Variants in DNAJC17 observed in about 807,000 individuals in gnomAD.
DNAJC17 encodes DnaJ heat shock protein family (Hsp40) member C17.
A neutral mutation model predicts 48.1 loss-of-function variants in DNAJC17; 35 were observed. The ratio of observed to expected loss-of-function variants is 0.73; its 90% CI spans 0.56 to 0.96. The LOEUF (loss-of-function observed/expected upper bound fraction) is 0.96. Among genes scored for constraint, DNAJC17 ranks in the 50% least tolerant of loss-of-function variants. The pLI is 0.00. For synonymous variants in DNAJC17, 117 were observed against 142.7 expected (o/e 0.82, Z 1.28); for missense variants, 355 against 377.1 (o/e 0.94, Z 0.48).
At chr15:40,803,316 T>C (rs1320428247) in intron 1 of DNAJC17, among the ~76,000 whole-genome samples, 3 of 152,230 alleles carry the variant, frequency 2.0e-5, no homozygotes, top group African/African-American at 7.2e-5. Context: ...GGTTGCCCTA[T>C]GGCAGCAACC....
Position 40,767,858 on chromosome 15 carries a change from T to C in DNAJC17, c.*82A>G, listed in dbSNP as rs1465299497. ...CAGCACCTTATACCTATGTATGGGA[T>C]AGAGGTAAAATCTTAAAAAAAAAAA... On this transcript the variant is annotated 3_prime_UTR_variant, in exon 11 of 11. Coordinates refer to ENST00000220496, the MANE Select transcript of DNAJC17 (RefSeq NM_018163.3). 6 of 1,565,494 alleles carry C rather than the reference T, an allele frequency of 3.8e-6. No homozygotes were observed. The Admixed American group carries it at 1.1e-4, about 30-fold the overall frequency.
In DNAJC17 at chr15:40,779,582, G is replaced by C. The variant is rs781037996; in HGVS notation, c.170C>G (p.Ser57Cys). The C allele has an allele frequency of 6.2e-7, 1 of 1,614,022 alleles. No homozygotes were observed. Among genetic ancestry groups the C allele is most frequent in the Non-Finnish European group, 8.5e-7 (1 of 1,180,024 alleles). Residue 57 changes from serine to cysteine, a missense_variant, in exon 3 of 11, where the codon TCT becomes TGT. Ser to Cys is a moderately radical substitution (Grantham distance 112). Transcript: ENST00000220496. ...ATCGGTCAGCACCTCCAAGGCCTGA[G>C]AAAGCTGGTGGAAGAGTTCAGCTAA... Reference protein sequence around the residue: ...PRAAELFHQLSQALEVLTDAA... With the variant: ...PRAAELFHQLCQALEVLTDAA...
At chr15:40,780,051 A>C (rs1889439791) in intron 1 of DNAJC17, 54 bp from the exon 2 acceptor site, 3 of 1,570,844 alleles carry the variant, frequency 1.9e-6, no homozygotes, top group Non-Finnish European at 2.6e-6. Context: ...AGGGACAAAC[A>C]GGAAAACCTT....
Position 40,776,131 on chromosome 15 carries a change from T to A in DNAJC17, c.478+65A>T, listed in dbSNP as rs878857611. The A allele has an allele frequency of 7.3e-6, 11 of 1,508,852 alleles. No individual in the cohort carries two copies. The Admixed American group carries it at 1.2e-4, about 17-fold the overall frequency. 93.5% of individuals were successfully genotyped at this position (1,508,852 alleles called of 1,614,324 possible). ...CACAGCAGCTCCACCGAACAGCCAG[T>A]GTGGCCGCTCTGAGCAATCTGGAGC... On this transcript the variant is annotated intron_variant, in intron 6 of 10. Coordinates refer to ENST00000220496, the MANE Select transcript of DNAJC17 (RefSeq NM_018163.3).
chr15:40,774,588 G>A, intron 8 of DNAJC17, 152 bp from the exon 9 acceptor site: 1 of 816,388 alleles, frequency 1.2e-6, no homozygotes, highest in South Asian at 1.7e-5. Flanking sequence ...AGTGAAGTGA[G>A]ATCAGAGATA....
Position 40,767,980 on chromosome 15 carries a change from G to A in DNAJC17, c.875C>T (p.Ala292Val). Residue 292 changes from alanine (A) to valine (V), a missense_variant, in exon 11 of 11, where the codon GCA becomes GTA. Physicochemically the swap from Ala to Val is moderately conservative, Grantham distance 64. Transcript: ENST00000220496. ...RQAAERQQLI[A>V]RMQQEDQEGP... ...CTCCTGGTCTTCCTGCTGCATCCGTGCGATCAGCTGTTGCCGCTCGGCCGC... is the reference window on the plus strand; with the variant it reads ...CTCCTGGTCTTCCTGCTGCATCCGTACGATCAGCTGTTGCCGCTCGGCCGC... 6.2e-7 allele frequency: 1 copy of A among 1,611,036 alleles called. No individual in the cohort carries two copies. The highest frequency in any genetic ancestry group is 8.5e-7 in the Non-Finnish European group (1 of 1,179,248).
chr15:40,772,115 G>A (rs1376337597), intron 10 of DNAJC17: 1 of 167,032 alleles, frequency 6.0e-6, no homozygotes, highest in Non-Finnish European at 1.5e-5. Flanking sequence ...GGCACAGCTG[G>A]TTTCCAGAAC....
In DNAJC17 at chr15:40,767,119, G is replaced by T; in HGVS notation, c.*821C>A. ...CCAGCGCCCAGCAAGCAGCCAGCAAGTGTGAGTCACTACAAGAGTGGCCAG... is the reference window on the plus strand; with the variant it reads ...CCAGCGCCCAGCAAGCAGCCAGCAATTGTGAGTCACTACAAGAGTGGCCAG... On this transcript the variant is annotated 3_prime_UTR_variant, in exon 11 of 11. Coordinates refer to ENST00000220496, the MANE Select transcript of DNAJC17 (RefSeq NM_018163.3). 8.3e-7 allele frequency: 1 copy of T among 1,207,512 alleles called. No individual in the cohort carries two copies. 74.8% of individuals were successfully genotyped at this position (1,207,512 alleles called of 1,614,324 possible). A position where few individuals can be genotyped will look rare whatever the true frequency, so the allele number is the denominator to read the frequency against.
At chr15:40,779,883 G>T in intron 2 of DNAJC17, 45 bp downstream of exon 2, 1 of 1,585,512 alleles carries the variant, frequency 6.3e-7, no homozygotes, top group Admixed American at 1.7e-5. Context: ...CACAATGCCC[G>T]GGTGAGTGGG....
At chr15:40,804,953 G>T (rs1890162507) in intron 1 of DNAJC17, among the ~76,000 whole-genome samples, 1 of 152,008 alleles carries the variant, frequency 6.6e-6, no homozygotes, top group African/African-American at 2.4e-5. Context: ...AGTGAGCCAA[G>T]GTTGCACCAC....
At chr15:40,771,438 G>A (rs1889138690) in intron 10 of DNAJC17, 2 of 207,976 alleles carry the variant, frequency 9.6e-6, no homozygotes, top group South Asian at 2.0e-4. Flanking sequence ...GAAGAGATGA[G>A]TGCCCCATGC....
chr15:40,794,063 A>T (rs73398560), intron 1 of DNAJC17, among the ~76,000 whole-genome samples: 1 of 152,140 alleles, frequency 6.6e-6, no homozygotes, highest in East Asian at 1.9e-4. Flanking sequence ...TTAGCCTTAC[A>T]CATTAAAGAT....
chr15:40,784,167 G>A (rs1889580293), intron 1 of DNAJC17, among the ~76,000 whole-genome samples: 1 of 151,934 alleles, frequency 6.6e-6, no homozygotes, highest in Admixed American at 6.6e-5. Context: ...AGTGAGCCGA[G>A]ATTGCACCAC....
At chr15:40,802,358 T>C (rs1033204496) in intron 1 of DNAJC17, among the ~76,000 whole-genome samples, 10 of 151,936 alleles carry the variant, frequency 6.6e-5, no homozygotes, top group Non-Finnish European at 1.0e-4. Context: ...TTAGTAGAGA[T>C]AGGATTTCAC....
chr15:40,783,850 A>G (rs1475072294), intron 1 of DNAJC17, among the ~76,000 whole-genome samples: 3 of 151,928 alleles, frequency 2.0e-5, no homozygotes, highest in African/African-American at 7.3e-5. Flanking sequence ...GTGACAGAGT[A>G]AGGCTCTGTC....
chr15:40,770,457 C>T lies in DNAJC17; in HGVS notation c.793-2395G>A, dbSNP rs1889096587. On this transcript the variant is annotated intron_variant, in intron 10 of 10. Transcript: ENST00000220496. This position sits in a 1 kb window ranked among gnomAD's most constrained non-coding sequence, Gnocchi z 5.0. Reference sequence around the variant, plus strand: ...CCAGCAGGGACCACATGCACCCTGGCTGCTCCTGAACACCTGTCTGCTGGC... The same window carrying T: ...CCAGCAGGGACCACATGCACCCTGGTTGCTCCTGAACACCTGTCTGCTGGC... The T allele has an allele frequency of 6.6e-7, 1 of 1,517,636 alleles. No homozygotes were observed. The allele number at this position is 1,517,636 out of a possible 1,614,324, so 94.0% of individuals were successfully genotyped here. A position where few individuals can be genotyped will look rare whatever the true frequency, so the allele number is the denominator to read the frequency against.
intron 1 of DNAJC17, among the ~76,000 whole-genome samples, chr15:40,786,482 A>G (rs1889645927): frequency 6.6e-6 from 1 of 152,164 alleles, no homozygotes; most frequent in African/African-American, 2.4e-5. Context: ...TGGGCAACAG[A>G]GCAAGACCCC....
rs763685574 is a variant in DNAJC17 at position 40,780,104 on chromosome 15, G to A, written c.79-107C>T. On this transcript the variant is annotated intron_variant, in intron 1 of 10. Transcript: ENST00000220496. ...AATCCCATGCACACCTAAAAGAGAA[G>A]CTGCTGGCGCCCACTTCCTAGCCAC... The A allele has an allele frequency of 6.3e-6, 7 of 1,109,464 alleles. No homozygotes were observed. The East Asian group carries it at 1.3e-4, about 20-fold the overall frequency. The allele number at this position is 1,109,464 out of a possible 1,614,324, so 68.7% of individuals were successfully genotyped here.
At position 40,799,984 on chromosome 15, in the gene DNAJC17, T is replaced by C. The variant is rs78242172; in HGVS notation, c.78+7385A>G. ...CCCACATTAGCCTCTCCATGAGCCA[T>C]CACACCAGGGTTTTTTTTTTGTTGT... On this transcript the variant is annotated intron_variant, in intron 1 of 10. Transcript: ENST00000220496. 3.3e-3 allele frequency among the ~76,000 whole-genome samples: 508 copies of C among 151,876 alleles called. 2 individuals carry two copies. Among genetic ancestry groups the C allele is most frequent in the African/African-American group, 0.011 (463 of 41,252 alleles).
Sources: allele counts gnomAD v4.1 joint callset (sites outside exome capture counted in the v4.1 genomes callset), GRCh38; gene constraint gnomAD v4.1.1; non-coding constraint Gnocchi (gnomAD v3.1); transcripts MANE v1.5; gene names NCBI Gene and HGNC (gene_info 2026-07-23, HGNC 2026-07-21).